Variants in APOBEC1 observed in about 807,000 individuals in gnomAD.
The protein encoded by APOBEC1 is apolipoprotein B mRNA editing enzyme catalytic subunit 1, also known as C->U-editing enzyme APOBEC-1.
APOBEC1 carries 22 observed loss-of-function variants against 26.3 expected under a neutral mutation model. That is an observed-to-expected ratio of 0.84 (90% CI 0.60 to 1.19). APOBEC1 has a LOEUF of 1.19. Among genes scored for constraint, APOBEC1 ranks in the 50% most tolerant of loss-of-function variants. APOBEC1 has a pLI of 0.00. For synonymous variants in APOBEC1, 77 were observed against 95.3 expected (o/e 0.81, Z 1.12); for missense variants, 253 against 289.0 (o/e 0.88, Z 0.90).
intron 1 of APOBEC1, 96 bp from the exon 2 acceptor site, chr12:7,654,728 C>T (rs1457460575): frequency 8.4e-5 from 99 of 1,182,024 alleles, no homozygotes; most frequent in South Asian, 6.2e-4. Context: ...CAAATCATCT[C>T]AGAAAATGGA....
chr12:7,664,094 A>G (rs1592064024), intron 1 of APOBEC1, among the ~76,000 whole-genome samples: 1 of 152,120 alleles, frequency 6.6e-6, no homozygotes, highest in South Asian at 2.1e-4. Flanking sequence ...ACCTCAGGTG[A>G]TCCGCCTGCC....
In APOBEC1 at chr12:7,652,773, G is replaced by C; in HGVS notation, c.107C>G (p.Ala36Gly). Residue 36 changes from alanine (A) to glycine (G), a missense_variant, in exon 3 of 5, where the codon GCC becomes GGC. By Grantham distance (60) the Ala-to-Gly change is moderately conservative. Transcript: ENST00000229304. ...CCACTTGATTTCGTAGAGCAGACAG[G>C]CCTCTTTACGAAGTTCTCTGGGGTC... ...FYDPRELRKE[A>G]CLLYEIKWGM... The C allele has an allele frequency of 1.2e-6, 2 of 1,613,812 alleles. No homozygotes were observed. Among genetic ancestry groups the C allele is most frequent in the Non-Finnish European group, 1.7e-6 (2 of 1,179,928 alleles).
upstream of APOBEC1, among the ~76,000 whole-genome samples, chr12:7,666,913 CTT>C (rs111464102): frequency 0.21 from 30,000 of 142,256 alleles, 3,124 homozygotes; most frequent in African/African-American, 0.28. Context: ...CACTTCTGCC[CTT>C]TTTTTTTTTT....
At chr12:7,660,375 G>GGAAGGAAGGAAAGAAAGAAAGAAA (rs61183510) in intron 1 of APOBEC1, among the ~76,000 whole-genome samples, 3 of 23,944 alleles carry the variant, frequency 1.3e-4, no homozygotes, top group African/African-American at 3.8e-4. Context: ...AAGGAAGGAA[G>GGAAGGAAGGAAAGAAAGAAAGAAA]GAAAGAAAGA....
chr12:7,661,686 A>G (rs997251698), intron 1 of APOBEC1, among the ~76,000 whole-genome samples: 4 of 152,216 alleles, frequency 2.6e-5, no homozygotes, highest in Non-Finnish European at 4.4e-5. Context: ...ACTGGAGCCA[A>G]GTGGTTCCTG....
At chr12:7,665,417 C>T (rs1441475622) in intron 1 of APOBEC1, among the ~76,000 whole-genome samples, 1 of 152,090 alleles carries the variant, frequency 6.6e-6, no homozygotes, top group Non-Finnish European at 1.5e-5. Flanking sequence ...CCTGCCTCAG[C>T]CTCCCGAGTA....
chr12:7,660,412 G>GAAAGAAAGAAAGAAAAAGAA (rs201225005), intron 1 of APOBEC1, among the ~76,000 whole-genome samples: 1 of 122,004 alleles, frequency 8.2e-6, no homozygotes, highest in East Asian at 2.4e-4. Flanking sequence ...AAGAAAGAAA[G>GAAAGAAAGAAAGAAAAAGAA]AGAGGGTATT....
At chr12:7,665,756 C>G in intron 1 of APOBEC1, 101 bp downstream of exon 1, 1 of 152,066 alleles carries the variant, frequency 6.6e-6, no homozygotes, top group Non-Finnish European at 1.4e-5. Flanking sequence ...CAGCAGGACA[C>G]ACACACACAC....
chr12:7,653,119 A>G (rs1228214421), intron 2 of APOBEC1, among the ~76,000 whole-genome samples: 2 of 151,890 alleles, frequency 1.3e-5, no homozygotes, highest in East Asian at 1.9e-4. Context: ...TTTAGTAGAG[A>G]CGGGGTTTCA....
At chr12:7,662,417 T>C (rs1446574134) in intron 1 of APOBEC1, among the ~76,000 whole-genome samples, 1 of 151,548 alleles carries the variant, frequency 6.6e-6, no homozygotes, top group East Asian at 2.0e-4. Flanking sequence ...ACCCTGTCTC[T>C]ACTAAAAATA....
chr12:7,658,413 AGTCCTTG>A (rs1392071384), intron 1 of APOBEC1, among the ~76,000 whole-genome samples: 1 of 152,156 alleles, frequency 6.6e-6, no homozygotes, highest in Non-Finnish European at 1.5e-5. Context: ...TAGGTGTTGG[AGTCCTTG>A]GTTACAGGTA....
chr12:7,660,375 G>GGAAGGAAGGAAGGACAGAAAGAAA (rs61183510), intron 1 of APOBEC1, among the ~76,000 whole-genome samples: 3 of 23,970 alleles, frequency 1.3e-4, no homozygotes, highest in East Asian at 7.3e-4. Context: ...AAGGAAGGAA[G>GGAAGGAAGGAAGGACAGAAAGAAA]GAAAGAAAGA....
chr12:7,666,980 C>T (rs935176754), upstream of APOBEC1, among the ~76,000 whole-genome samples: 1 of 150,646 alleles, frequency 6.6e-6, no homozygotes, highest in Non-Finnish European at 1.5e-5. Flanking sequence ...GGCGCGATCT[C>T]GGCTCACTGC....
At chr12:7,651,604 T>A (rs1226108545) in intron 3 of APOBEC1, among the ~76,000 whole-genome samples, 1 of 85,442 alleles carries the variant, frequency 1.2e-5, no homozygotes, top group African/African-American at 3.9e-5. Context: ...AGAGCAAGAC[T>A]CCGTCTCAAA....
In APOBEC1 at chr12:7,649,572, A is replaced by G; in HGVS notation, c.686T>C (p.Ile229Thr). The G allele has an allele frequency of 6.2e-7, 1 of 1,614,212 alleles. No individual in the cohort carries two copies. ...TCATCTCCAAGCCACAGAAGGATGT[A>G]TCAGCCCTGTAGCTAAAAGGATGTG... ...PPHILLATGL[I>T]HPSVAWR Residue 229 changes from isoleucine to threonine, a missense_variant, in exon 5 of 5, where the codon ATA (isoleucine) becomes ACA (threonine). Coordinates refer to ENST00000229304, the MANE Select transcript of APOBEC1 (RefSeq NM_001644.5).
chr12:7,662,000 T>C (rs1433400586), intron 1 of APOBEC1, among the ~76,000 whole-genome samples: 1 of 152,200 alleles, frequency 6.6e-6, no homozygotes, highest in African/African-American at 2.4e-5. Flanking sequence ...ATCCCAACAC[T>C]TCAGGAGGCT....
intron 1 of APOBEC1, among the ~76,000 whole-genome samples, chr12:7,662,240 G>A (rs910299883): frequency 5.3e-5 from 8 of 152,092 alleles, no homozygotes; most frequent in Non-Finnish European, 1.2e-4. Context: ...TCCAGCCTGG[G>A]CGACAGAGCA....
chr12:7,660,375 G>GGAAGGAAGGACAGAAAGAAAGAAA (rs61183510), intron 1 of APOBEC1, among the ~76,000 whole-genome samples: 6 of 23,966 alleles, frequency 2.5e-4, no homozygotes, highest in South Asian at 1.7e-3. Flanking sequence ...AAGGAAGGAA[G>GGAAGGAAGGACAGAAAGAAAGAAA]GAAAGAAAGA....
intron 1 of APOBEC1, among the ~76,000 whole-genome samples, chr12:7,655,634 C>T (rs1304301666): frequency 2.0e-5 from 3 of 152,008 alleles, no homozygotes; most frequent in Admixed American, 1.3e-4. Flanking sequence ...GTGGTGCAGA[C>T]CATGGTGGTG....
Sources: gnomAD v4.1 joint callset for allele counts (sites outside exome capture counted in the v4.1 genomes callset) on GRCh38, gnomAD v4.1.1 for gene constraint, MANE v1.5 for transcripts, NCBI Gene and HGNC (gene_info 2026-07-23, HGNC 2026-07-21) for gene names.